Variants in FMN2 observed in about 807,000 individuals in gnomAD.
The protein encoded by FMN2 is formin-2.
A neutral mutation model predicts 142.3 loss-of-function variants in FMN2; 51 were observed. The ratio of observed to expected loss-of-function variants is 0.36; its 90% CI spans 0.29 to 0.45. The LOEUF (loss-of-function observed/expected upper bound fraction) is 0.45, where lower values mean the gene tolerates loss of function less well. Ranked by LOEUF, FMN2 falls within the 20% of genes least tolerant of loss-of-function variation. The pLI is 1.00. For missense variants in FMN2, 1,936 were observed against 2,122.8 expected (o/e 0.91, Z 1.73); for synonymous variants, 882 against 869.8 (o/e 1.01, Z -0.25).
intron 13 of FMN2, among the ~76,000 whole-genome samples, chr1:240,353,053 C>A (rs1672147774): frequency 6.6e-6 from 1 of 151,960 alleles, no homozygotes; most frequent in Admixed American, 6.6e-5. Flanking sequence ...TCTCTAACTT[C>A]TACTCATGCA....
chr1:240,410,162 GA>G (rs34061142), intron 15 of FMN2, among the ~76,000 whole-genome samples: 87,480 of 149,190 alleles, frequency 0.59, 26,135 homozygotes, highest in Middle Eastern at 0.65. Flanking sequence ...ACATAAATCT[GA>G]AAAAAAAAAA....
At chr1:240,217,529 T>G (rs1014201832) in intron 6 of FMN2, among the ~76,000 whole-genome samples, 6 of 152,208 alleles carry the variant, frequency 3.9e-5, no homozygotes, top group Non-Finnish European at 7.3e-5. Context: ...AACATCTGCT[T>G]TTAATAGAAT....
At chr1:240,202,199 C>G (rs888555694) in intron 4 of FMN2, among the ~76,000 whole-genome samples, 4 of 152,074 alleles carry the variant, frequency 2.6e-5, no homozygotes, top group African/African-American at 9.7e-5. Context: ...ATTGCGAGAG[C>G]CAATCCAAGG....
At chr1:240,145,164 AC>A (rs1194029846) in intron 2 of FMN2, 6 of 1,472,848 alleles carry the variant, frequency 4.1e-6, no homozygotes, top group Non-Finnish European at 5.7e-6. Context: ...GCTGGTCGAT[AC>A]AGGGATGTGT....
At chr1:240,270,866 T>C (rs1177642432) in intron 7 of FMN2, among the ~76,000 whole-genome samples, 1 of 151,834 alleles carries the variant, frequency 6.6e-6, no homozygotes, top group Non-Finnish European at 1.5e-5. Flanking sequence ...AGGGGAGACT[T>C]GGTCAGTGGG....
chr1:240,207,507 C>T lies in FMN2; in HGVS notation c.2695C>T (p.Pro899Ser). Reference protein sequence around the residue: ...PTLPSTAIPQPPPLQGTEMLP... With the variant: ...PTLPSTAIPQSPPLQGTEMLP... ...TCTGCCCAGTACAGCCATTCCCCAA[C>T]CTCCTCCTCTGCAGGGTACAGAAAT... Residue 899 changes from proline (P) to serine (S), a missense_variant, in exon 5 of 18, where the codon CCT becomes TCT. Around this residue, in one of 8 missense-constraint regions of FMN2, gnomAD observed 478 missense variants for 462.8 expected, o/e 1.03. Transcript: ENST00000319653. The T allele has an allele frequency of 6.2e-7, 1 of 1,613,438 alleles. No individual in the cohort carries two copies.
chr1:240,309,245 T>C (rs994276), intron 8 of FMN2, among the ~76,000 whole-genome samples: 67,342 of 151,914 alleles, frequency 0.44, 17,614 homozygotes, highest in African/African-American at 0.74. Context: ...GGGTGCAGAT[T>C]TCATTGGAGA....
chr1:240,292,517 T>C lies in FMN2; in HGVS notation c.4154-2305T>C, dbSNP rs16839746. On this transcript the variant is annotated intron_variant, in intron 7 of 17. Transcript: ENST00000319653. Reference sequence around the variant, plus strand: ...ACTGTTAACACTTCTAGTATACTAGTGTAATCCCTGATGTATAGGAAACAC... The same window carrying C: ...ACTGTTAACACTTCTAGTATACTAGCGTAATCCCTGATGTATAGGAAACAC... Among the ~76,000 whole-genome samples the C allele has an allele frequency of 8.6e-3, 1,309 of 152,284 alleles. 20 individuals carry two copies. The highest frequency in any genetic ancestry group is 0.028 in the African/African-American group (1,162 of 41,570).
chr1:240,112,830 T>G (rs1661866637), intron 1 of FMN2, among the ~76,000 whole-genome samples: 1 of 152,158 alleles, frequency 6.6e-6, no homozygotes, highest in Non-Finnish European at 1.5e-5. Context: ...TGGCTGACCC[T>G]GTGGTCCGGG....
At position 240,155,750 on chromosome 1, in the gene FMN2, T is replaced by G. The variant is rs113916368; in HGVS notation, c.1783-22171T>G. Among the ~76,000 whole-genome samples the G allele has an allele frequency of 3.7e-3, 557 of 152,270 alleles. 4 individuals are homozygous for G. The highest frequency in any genetic ancestry group is 0.013 in the African/African-American group (529 of 41,558). On this transcript the variant is annotated intron_variant, in intron 2 of 17. Transcript: ENST00000319653. ...CTAGTTTTGCAGATTAGATGGGCAA[T>G]TCTTTATTGAGTAATGTTTTTTAAT... is the stretch of plus-strand genomic sequence containing the variant.
At chr1:240,423,772 C>T (rs964662235) in intron 15 of FMN2, among the ~76,000 whole-genome samples, 3 of 152,202 alleles carry the variant, frequency 2.0e-5, no homozygotes, top group East Asian at 3.8e-4. Context: ...AAAGACCTCA[C>T]GAGTCCCTTC....
chr1:240,425,831 A>G (rs1674922770), intron 15 of FMN2, among the ~76,000 whole-genome samples: 1 of 152,162 alleles, frequency 6.6e-6, no homozygotes, highest in African/African-American at 2.4e-5. Flanking sequence ...GTTTTTCAAG[A>G]AAGTCATCAA....
In FMN2 at chr1:240,290,780, GT is replaced by G. The variant is rs869026471; in HGVS notation, c.4154-4030del. Among the ~76,000 whole-genome samples, 23 of 100,204 alleles carry G rather than the reference GT, an allele frequency of 2.3e-4. 1 individual carries two copies. The highest frequency in any genetic ancestry group is 2.3e-3 in the South Asian group (7 of 3,092). The allele number at this position is 100,204 out of a possible 152,430, so 65.7% of individuals were successfully genotyped here. On this transcript the variant is annotated intron_variant, in intron 7 of 17. Transcript: ENST00000319653. ...GTCTGGAGTGATGTCTGTTTGTTTG[GT>G]TTTTTTTTTTTGTTTTTTTTTTTTT...
chr1:240,452,492 T>C (rs185807735), intron 16 of FMN2, among the ~76,000 whole-genome samples: 2 of 152,164 alleles, frequency 1.3e-5, no homozygotes, highest in Admixed American at 6.5e-5. Context: ...TTATCAGAAA[T>C]AAAAGTGTAT....
intron 15 of FMN2, among the ~76,000 whole-genome samples, chr1:240,428,737 G>A (rs1675041006): frequency 6.6e-6 from 1 of 152,082 alleles, no homozygotes; most frequent in Non-Finnish European, 1.5e-5. Flanking sequence ...ATACTTACCA[G>A]CTTTTGTAGT....
At chr1:240,233,935 G>T (rs1218053262) in intron 6 of FMN2, among the ~76,000 whole-genome samples, 2 of 152,026 alleles carry the variant, frequency 1.3e-5, no homozygotes, top group African/African-American at 4.8e-5. Flanking sequence ...TGGCAATGAT[G>T]GTCTATATTT....
At position 240,252,953 on chromosome 1, in the gene FMN2, C is replaced by CTT. The variant is rs59902639; in HGVS notation, c.4066-4976_4066-4975dup. Among the ~76,000 whole-genome samples the CTT allele has an allele frequency of 1.3e-3, 84 of 65,340 alleles. 18 individuals carry two copies. Among genetic ancestry groups the CTT allele is most frequent in the South Asian group, 5.9e-3 (10 of 1,686 alleles). The allele number at this position is 65,340 out of a possible 152,430, so 42.9% of individuals were successfully genotyped here. A position where few individuals can be genotyped will look rare whatever the true frequency, so the allele number is the denominator to read the frequency against. On this transcript the variant is annotated intron_variant, in intron 6 of 17. Transcript: ENST00000319653. ...CCCATGTGTGATGTAGTCTTGTTCA[C>CTT]TTTTTTTTTTTTTTTTTGGAGACAG...
chr1:240,310,284 C>T (rs1670558710), intron 8 of FMN2, among the ~76,000 whole-genome samples: 2 of 152,148 alleles, frequency 1.3e-5, no homozygotes, highest in South Asian at 4.1e-4. Context: ...TTGCCAGATG[C>T]TTAAATGTCA....
intron 2 of FMN2, among the ~76,000 whole-genome samples, chr1:240,163,065 A>G (rs2103295933): frequency 6.6e-6 from 1 of 152,148 alleles, no homozygotes; most frequent in East Asian, 1.9e-4. Flanking sequence ...ATCTTCTTTT[A>G]TTATTGATTT....
Sources: allele counts gnomAD v4.1 joint callset (sites outside exome capture counted in the v4.1 genomes callset), GRCh38; gene constraint gnomAD v4.1.1; regional missense constraint gnomAD v4.1.1; transcripts MANE v1.5; gene names NCBI Gene and HGNC (gene_info 2026-07-23, HGNC 2026-07-21).